Variants in CCDC178 observed in about 807,000 individuals in gnomAD.
The protein encoded by CCDC178 is coiled-coil domain-containing protein 178.
In CCDC178, 126 loss-of-function variants were observed where a neutral mutation model predicts 117.4. That is an observed-to-expected ratio of 1.07 (90% CI 0.93 to 1.24). The LOEUF is 1.24. Ranked by LOEUF, CCDC178 falls within the 50% of genes most tolerant of loss-of-function variation. CCDC178 has a pLI of 0.00. For synonymous variants in CCDC178, 283 were observed against 313.4 expected (o/e 0.90, Z 1.02); for missense variants, 1,030 against 986.9 (o/e 1.04, Z -0.59).
chr18:32,987,579 C>T (rs1362207570), intron 21 of CCDC178, among the ~76,000 whole-genome samples: 2 of 151,970 alleles, frequency 1.3e-5, no homozygotes, highest in African/African-American at 2.4e-5. Flanking sequence ...ATAAATTACA[C>T]CATCTTCTTA....
intron 21 of CCDC178, among the ~76,000 whole-genome samples, chr18:33,073,113 G>A (rs771930472): frequency 3.3e-5 from 5 of 150,096 alleles, no homozygotes; most frequent in Non-Finnish European, 5.9e-5. Flanking sequence ...TTTCTTTTTT[G>A]TGACATAAAA....
chr18:33,194,607 G>A (rs747358844), intron 20 of CCDC178, among the ~76,000 whole-genome samples: 10 of 152,022 alleles, frequency 6.6e-5, no homozygotes, highest in East Asian at 5.8e-4. Context: ...TTGAACTTTC[G>A]TACTTTCTTC....
intron 21 of CCDC178, among the ~76,000 whole-genome samples, chr18:32,985,744 C>G (rs2055248798): frequency 1.3e-5 from 2 of 152,024 alleles, no homozygotes; most frequent in South Asian, 4.2e-4. Flanking sequence ...ACTATTGACT[C>G]ATATTAAGGA....
chr18:33,410,680 T>A (rs2063837780), intron 3 of CCDC178, among the ~76,000 whole-genome samples: 1 of 152,122 alleles, frequency 6.6e-6, no homozygotes, highest in Non-Finnish European at 1.5e-5. Flanking sequence ...ACCCCAATAA[T>A]TTTCTCCTCC....
intron 21 of CCDC178, among the ~76,000 whole-genome samples, chr18:32,979,602 G>A (rs1013235122): frequency 6.6e-6 from 1 of 152,260 alleles, no homozygotes; most frequent in African/African-American, 2.4e-5. Context: ...ATATTTTGAA[G>A]AATAAAGACT....
chr18:33,001,290 C>T lies in CCDC178; in HGVS notation c.2389-26609G>A, dbSNP rs182155832. Among the ~76,000 whole-genome samples, 28 of 152,088 alleles carry T rather than the reference C, an allele frequency of 1.8e-4. No homozygotes were observed. In the East Asian group the frequency reaches 2.5e-3, roughly 14 times the overall value. ...ATCCCAGCACTTTGGGAGGCCAAGG[C>T]GAGCGGATCACAAGGTCAGGAGATT... On this transcript the variant is annotated intron_variant, in intron 21 of 22. Coordinates refer to ENST00000383096, the MANE Select transcript of CCDC178 (RefSeq NM_001105528.4).
chr18:33,068,259 AAAG>A (rs1465722149), intron 21 of CCDC178, among the ~76,000 whole-genome samples: 18 of 152,178 alleles, frequency 1.2e-4, no homozygotes. Context: ...AAGAACTTAT[AAAG>A]AAGTCTTCTC....
chr18:33,344,924 A>C (rs2062870059), intron 9 of CCDC178, among the ~76,000 whole-genome samples: 1 of 152,062 alleles, frequency 6.6e-6, no homozygotes, highest in African/African-American at 2.4e-5. Context: ...ATTCAAAAAG[A>C]AAATTTCAAA....
intron 21 of CCDC178, among the ~76,000 whole-genome samples, chr18:32,990,043 G>A (rs537355569): frequency 9.2e-5 from 14 of 152,212 alleles, no homozygotes; most frequent in Admixed American, 5.9e-4. Context: ...CAAATTATAA[G>A]ATAATTTGAA....
chr18:33,202,499 G>T (rs2059002761), intron 20 of CCDC178, among the ~76,000 whole-genome samples: 1 of 145,960 alleles, frequency 6.9e-6, no homozygotes. Context: ...GAAAATGCCA[G>T]CAAAGCTGTT....
At chr18:33,313,048 C>G (rs1003713417) in intron 11 of CCDC178, among the ~76,000 whole-genome samples, 1 of 152,184 alleles carries the variant, frequency 6.6e-6, no homozygotes, top group African/African-American at 2.4e-5. Flanking sequence ...GGTGTAAAAG[C>G]TGGTGCTCTT....
intron 14 of CCDC178, among the ~76,000 whole-genome samples, chr18:33,260,054 CAT>C (rs148591523): frequency 5.3e-5 from 8 of 150,600 alleles, no homozygotes; most frequent in African/African-American, 1.2e-4. Flanking sequence ...AAAAAATACA[CAT>C]ATATATATAT....
intron 22 of CCDC178, among the ~76,000 whole-genome samples, chr18:32,969,930 G>A (rs777333566): frequency 6.6e-5 from 10 of 152,002 alleles, no homozygotes; most frequent in Non-Finnish European, 1.3e-4. Context: ...ATAATGGGAG[G>A]AGAAAGGAAA....
chr18:32,970,710 CT>C (rs545495599), intron 22 of CCDC178, among the ~76,000 whole-genome samples: 63 of 152,092 alleles, frequency 4.1e-4, no homozygotes, highest in African/African-American at 1.5e-3. Context: ...ATCAAGCCCC[CT>C]AGTAGCCTTG....
chr18:33,333,750 G>C (rs1317364341), intron 9 of CCDC178, among the ~76,000 whole-genome samples: 1 of 151,802 alleles, frequency 6.6e-6, no homozygotes, highest in Non-Finnish European at 1.5e-5. Context: ...GACCTCAGGT[G>C]GTCCACCTGC....
intron 20 of CCDC178, among the ~76,000 whole-genome samples, chr18:33,199,051 C>T (rs898943894): frequency 6.6e-6 from 1 of 151,696 alleles, no homozygotes; most frequent in African/African-American, 2.4e-5. Context: ...CCAATGTGAA[C>T]TTTGGAGGTG....
chr18:33,066,813 T>C (rs2057024422), intron 21 of CCDC178, among the ~76,000 whole-genome samples: 1 of 152,124 alleles, frequency 6.6e-6, no homozygotes, highest in Non-Finnish European at 1.5e-5. Context: ...CACAATTCTA[T>C]GTATATATGC....
intron 21 of CCDC178, among the ~76,000 whole-genome samples, chr18:33,006,207 A>G (rs1256941696): frequency 6.6e-6 from 1 of 151,994 alleles, no homozygotes; most frequent in Non-Finnish European, 1.5e-5. Flanking sequence ...CTTTGGTTTT[A>G]TTTCACAACT....
chr18:33,210,681 T>C (rs554842626), intron 20 of CCDC178, among the ~76,000 whole-genome samples: 2 of 152,150 alleles, frequency 1.3e-5, no homozygotes, highest in East Asian at 1.9e-4. Flanking sequence ...GAGAGGTGCA[T>C]TGGAGTCTAA....
Sources: gnomAD v4.1 joint callset for allele counts (sites outside exome capture counted in the v4.1 genomes callset) on GRCh38, gnomAD v4.1.1 for gene constraint, MANE v1.5 for transcripts, NCBI Gene and HGNC (gene_info 2026-07-23, HGNC 2026-07-21) for gene names.